The following MTOR variants were observed in gnomAD, a reference collection of about 807,000 sequenced individuals.
MTOR encodes the protein serine/threonine-protein kinase mTOR.
In MTOR, 70 loss-of-function variants were observed where a neutral mutation model predicts 319.8. The ratio of observed to expected loss-of-function variants is 0.22; its 90% CI spans 0.18 to 0.27. The LOEUF (loss-of-function observed/expected upper bound fraction) is 0.27. Ranked by LOEUF, MTOR falls within the 10% of genes least tolerant of loss-of-function variation. The pLI, the probability that MTOR is intolerant of heterozygous loss-of-function variation, is 1.00. For missense variants in MTOR, 1,890 were observed against 3,274.4 expected (o/e 0.58, Z 10.32); for synonymous variants, 1,183 against 1,211.4 (o/e 0.98, Z 0.49).
intron 28 of MTOR, among the ~76,000 whole-genome samples, chr1:11,186,410 T>C (rs980453134): frequency 2.6e-5 from 4 of 152,136 alleles, no homozygotes; most frequent in Non-Finnish European, 5.9e-5. Context: ...CACTGTGAAG[T>C]CTTTTGAGAA....
intron 29 of MTOR, among the ~76,000 whole-genome samples, chr1:11,162,527 C>A (rs1302419163): frequency 6.6e-6 from 1 of 152,110 alleles, no homozygotes; most frequent in South Asian, 2.1e-4. Flanking sequence ...TTAAGGGCAG[C>A]CAGAGAGAAA....
At chr1:11,131,592 C>T (rs1030899298) in intron 38 of MTOR, 2 of 152,290 alleles carry the variant, frequency 1.3e-5, no homozygotes, top group African/African-American at 2.4e-5. Context: ...CAACACCTAG[C>T]CCACGGCCTG....
intron 54 of MTOR, chr1:11,111,139 AC>A: frequency 2.2e-6 from 1 of 455,758 alleles, no homozygotes; most frequent in Non-Finnish European, 4.4e-6. Context: ...TGCCTGAAAC[AC>A]CCTTTTCCTT....
At chr1:11,214,665 T>C (rs1646411825) in intron 20 of MTOR, among the ~76,000 whole-genome samples, 1 of 152,204 alleles carries the variant, frequency 6.6e-6, no homozygotes, top group South Asian at 2.1e-4. Flanking sequence ...AGCATAATGG[T>C]TTAGAAAGCA....
At chr1:11,248,434 G>A (rs1649135587) in intron 6 of MTOR, among the ~76,000 whole-genome samples, 1 of 152,178 alleles carries the variant, frequency 6.6e-6, no homozygotes, top group South Asian at 2.1e-4. Flanking sequence ...ACTGCAATGA[G>A]GCTTGCAAAG....
intron 36 of MTOR, among the ~76,000 whole-genome samples, chr1:11,137,668 C>G (rs1032444997): frequency 6.6e-5 from 10 of 152,180 alleles, no homozygotes; most frequent in Non-Finnish European, 1.0e-4. Context: ...TTCTAGATTG[C>G]ATGGGTGGGT....
intron 5 of MTOR, 45 bp downstream of exon 5, chr1:11,255,947 C>G (rs1284122604): frequency 6.3e-7 from 1 of 1,577,406 alleles, no homozygotes; most frequent in South Asian, 1.1e-5. Context: ...TGATTCTCTA[C>G]GCAGATGTGC....
At chr1:11,187,918 G>A (rs1338434486) in intron 28 of MTOR, among the ~76,000 whole-genome samples, 1 of 152,150 alleles carries the variant, frequency 6.6e-6, no homozygotes, top group African/African-American at 2.4e-5. Flanking sequence ...GCAGGCAAAG[G>A]AGGCTGGGTA....
intron 19 of MTOR, among the ~76,000 whole-genome samples, chr1:11,227,480 A>G (rs939312876): frequency 6.6e-6 from 1 of 152,114 alleles, no homozygotes; most frequent in Non-Finnish European, 1.5e-5. Context: ...AAAGTAACTA[A>G]TTGAGGTATC....
At chr1:11,160,992 C>T (rs767088967) in intron 29 of MTOR, among the ~76,000 whole-genome samples, 3 of 152,176 alleles carry the variant, frequency 2.0e-5, no homozygotes, top group Non-Finnish European at 4.4e-5. Flanking sequence ...GAGGCATCAC[C>T]TCACCCCGGA....
rs80240630 is a variant in MTOR at position 11,256,284 on chromosome 1, C to A, written c.505-92G>T. The A allele has an allele frequency of 2.1e-3, 3,141 of 1,496,850 alleles. 54 individuals carry two copies. The African/African-American group carries it at 0.038, about 18-fold the overall frequency. 92.7% of individuals were successfully genotyped at this position (1,496,850 alleles called of 1,614,324 possible). A position where few individuals can be genotyped will look rare whatever the true frequency, so the allele number is the denominator to read the frequency against. On this transcript the variant is annotated intron_variant, in intron 4 of 57. Transcript: ENST00000361445. The stretch of plus-strand genomic sequence containing the variant: ...TCTTGTCATCTTAGAGCCATACACA[C>A]CAGGAACAGAGAAGGCTTGCTCACT...
Position 11,128,613 on chromosome 1 carries a change from T to C in MTOR, c.5812-61A>G, listed in dbSNP as rs2100418043. The C allele has an allele frequency of 2.0e-6, 3 of 1,473,450 alleles. No individual in the cohort carries two copies. The highest frequency in any genetic ancestry group is 2.8e-6 in the Non-Finnish European group (3 of 1,054,040). The allele number at this position is 1,473,450 out of a possible 1,614,324, so 91.3% of individuals were successfully genotyped here. A position where few individuals can be genotyped will look rare whatever the true frequency, so the allele number is the denominator to read the frequency against. ...GACTTGAAACAACTAGTTATTCTTCTAGGCAAAGATCAATTCTTTTAACTT... is the reference window on the plus strand; with the variant it reads ...GACTTGAAACAACTAGTTATTCTTCCAGGCAAAGATCAATTCTTTTAACTT... On this transcript the variant is annotated intron_variant, in intron 41 of 57. Coordinates refer to ENST00000361445, the MANE Select transcript of MTOR (RefSeq NM_004958.4). This position sits in a 1 kb window ranked among gnomAD's most constrained non-coding sequence, Gnocchi z 5.3.
rs536133916 is a variant in MTOR, at chr1:11,257,402, A to G, written c.272-237T>C. Among the ~76,000 whole-genome samples the G allele has an allele frequency of 3.4e-5, 5 of 148,786 alleles. No homozygotes were observed. The East Asian group carries it at 7.9e-4, about 23-fold the overall frequency. On this transcript the variant is annotated intron_variant, in intron 3 of 57. Coordinates refer to ENST00000361445, the MANE Select transcript of MTOR (RefSeq NM_004958.4). ...ATACAAAAAAAAAAAAAAAAAAAAG[A>G]AAACAAAAAAATTAGCCAGGCGTGG...
chr1:11,220,228 T>C (rs1249056026), intron 19 of MTOR, among the ~76,000 whole-genome samples: 2 of 151,810 alleles, frequency 1.3e-5, no homozygotes, highest in Non-Finnish European at 2.9e-5. Context: ...TAGTAAACAC[T>C]TCAGGATAAC....
intron 20 of MTOR, 64 bp downstream of exon 20, chr1:11,216,084 A>G: frequency 8.3e-7 from 1 of 1,199,366 alleles, no homozygotes; most frequent in Non-Finnish European, 1.2e-6. Flanking sequence ...ATGTCATTCA[A>G]ACTTGCTTCT....
At chr1:11,176,443 A>G (rs1644996315) in intron 28 of MTOR, among the ~76,000 whole-genome samples, 1 of 152,234 alleles carries the variant, frequency 6.6e-6, no homozygotes, top group Non-Finnish European at 1.5e-5. Flanking sequence ...AGGCTTCCCC[A>G]GCGCTCCCAT....
chr1:11,233,406 A>G lies in MTOR; in HGVS notation c.2413T>C (p.Leu805=). 3 of 1,613,932 alleles carry G rather than the reference A, an allele frequency of 1.9e-6. No individual in the cohort carries two copies. In the South Asian group the frequency reaches 3.3e-5, roughly 18 times the overall value. Residue 805 remains leucine (L), a synonymous_variant, in exon 15 of 58, where the codon TTG becomes CTG. Coordinates refer to ENST00000361445, the MANE Select transcript of MTOR (RefSeq NM_004958.4). ...INNVLATIGE[L]AQVSGLEMRK... is the part of the protein sequence containing the mutation. Reference sequence around the variant, plus strand: ...AGTAGCTGCCCCTTTACCTGTGCCAATTCTCCTATTGTTGCCAGGACATTA... The same window carrying G: ...AGTAGCTGCCCCTTTACCTGTGCCAGTTCTCCTATTGTTGCCAGGACATTA...
At chr1:11,172,380 AC>A (rs1340855031) in intron 28 of MTOR, among the ~76,000 whole-genome samples, 2 of 149,872 alleles carry the variant, frequency 1.3e-5, no homozygotes, top group African/African-American at 4.9e-5. Flanking sequence ...ACATGGTGAA[AC>A]CCCGTCTCTA....
At chr1:11,131,000 G>A (rs751835282) in intron 38 of MTOR, 12 of 611,958 alleles carry the variant, frequency 2.0e-5, no homozygotes, top group African/African-American at 3.7e-5. Context: ...AGTGCACTGC[G>A]AGAAGGGCAC....
Sources: allele counts gnomAD v4.1 joint callset (sites outside exome capture counted in the v4.1 genomes callset), GRCh38; gene constraint gnomAD v4.1.1; non-coding constraint Gnocchi (gnomAD v3.1); transcripts MANE v1.5; gene names NCBI Gene and HGNC (gene_info 2026-07-23, HGNC 2026-07-21).